Variants in GALNT13 observed in about 807,000 individuals in gnomAD.
GALNT13 encodes polypeptide N-acetylgalactosaminyltransferase 13.
Under a neutral mutation model 64.2 loss-of-function variants are expected in GALNT13, and 28 were observed. That is an observed-to-expected ratio of 0.44 (90% CI 0.32 to 0.60). GALNT13 has a LOEUF of 0.60. Ranked by LOEUF, GALNT13 falls within the 20% of genes least tolerant of loss-of-function variation. The pLI is 0.05. For missense variants in GALNT13, 577 were observed against 669.8 expected, an observed-to-expected ratio of 0.86 and a Z score of 1.53; for synonymous variants, 214 against 224.6, an observed-to-expected ratio of 0.95 and a Z score of 0.42.
At chr2:154,305,671 C>G (rs1228216611) in intron 9 of GALNT13, among the ~76,000 whole-genome samples, 3 of 152,146 alleles carry the variant, frequency 2.0e-5, no homozygotes, top group Admixed American at 1.3e-4. Context: ...AACTTACTTA[C>G]TTTCAATATA....
intron 12 of GALNT13, among the ~76,000 whole-genome samples, chr2:154,447,287 A>C (rs1184907806): frequency 2.6e-5 from 4 of 151,958 alleles, no homozygotes; most frequent in Non-Finnish European, 5.9e-5. Context: ...ACATTATTAA[A>C]GACTAAGATG....
intron 9 of GALNT13, among the ~76,000 whole-genome samples, chr2:154,336,049 C>A (rs192188704): frequency 6.6e-6 from 1 of 152,026 alleles, no homozygotes; most frequent in East Asian, 1.9e-4. Flanking sequence ...GGATTAGTGA[C>A]AAATACAGAA....
chr2:153,582,040 G>C, the GALNT13 span, among the ~76,000 whole-genome samples: 312 of 152,248 alleles, frequency 2.0e-3, 2 homozygotes, highest in African/African-American at 6.9e-3. Flanking sequence ...AGGAATTCCT[G>C]TAAGGAGAGG....
the GALNT13 span, among the ~76,000 whole-genome samples, chr2:153,601,661 G>A: frequency 1.1e-4 from 17 of 151,538 alleles, no homozygotes; most frequent in East Asian, 1.9e-4. Flanking sequence ...CAATAGGACC[G>A]CACATGTACT....
chr2:153,121,895 C>T, the GALNT13 span, among the ~76,000 whole-genome samples: 1 of 152,148 alleles, frequency 6.6e-6, no homozygotes, highest in Non-Finnish European at 1.5e-5. Flanking sequence ...ATCTTAACCA[C>T]TATCTTATTT....
At chr2:153,630,800 TA>T in the GALNT13 span, among the ~76,000 whole-genome samples, 37 of 13,034 alleles carry the variant, frequency 2.8e-3, no homozygotes, top group African/African-American at 6.9e-3. Context: ...TATATATATA[TA>T]TATATATTTT....
the GALNT13 span, among the ~76,000 whole-genome samples, chr2:153,745,045 C>T: frequency 6.6e-6 from 1 of 151,988 alleles, no homozygotes; most frequent in Admixed American, 6.6e-5. Flanking sequence ...AGGCTATCAG[C>T]ACCAAGCAAA....
At chr2:154,219,551 G>A (rs1365859843) in intron 4 of GALNT13, among the ~76,000 whole-genome samples, 1 of 151,904 alleles carries the variant, frequency 6.6e-6, no homozygotes, top group African/African-American at 2.4e-5. Flanking sequence ...GTGCATCACT[G>A]GCATGCCTCA....
At chr2:153,988,079 C>T (rs1373445261) in intron 3 of GALNT13, among the ~76,000 whole-genome samples, 1 of 151,204 alleles carries the variant, frequency 6.6e-6, no homozygotes, top group Non-Finnish European at 1.5e-5. Flanking sequence ...TATATACACA[C>T]ACACACACAC....
the GALNT13 span, among the ~76,000 whole-genome samples, chr2:153,353,247 C>T: frequency 1.3e-5 from 2 of 151,992 alleles, no homozygotes; most frequent in Non-Finnish European, 2.9e-5. Context: ...TTTCAAATTT[C>T]ACTTGTTCAT....
chr2:153,075,438 A>G, the GALNT13 span, among the ~76,000 whole-genome samples: 7 of 152,286 alleles, frequency 4.6e-5, no homozygotes, highest in Admixed American at 3.3e-4. Flanking sequence ...TTTTCTTACA[A>G]TTCAGATAAC....
chr2:153,251,951 A>G, the GALNT13 span, among the ~76,000 whole-genome samples: 1 of 151,868 alleles, frequency 6.6e-6, no homozygotes, highest in East Asian at 1.9e-4. Flanking sequence ...GTGTCTTTAT[A>G]GCAGCATGAT....
At chr2:153,596,415 C>T in the GALNT13 span, among the ~76,000 whole-genome samples, 1 of 152,094 alleles carries the variant, frequency 6.6e-6, no homozygotes, top group African/African-American at 2.4e-5. Flanking sequence ...CTGCAGCTTC[C>T]TTTGAAAACA....
the GALNT13 span, among the ~76,000 whole-genome samples, chr2:153,330,989 A>T: frequency 6.6e-6 from 1 of 152,120 alleles, no homozygotes; most frequent in Non-Finnish European, 1.5e-5. Flanking sequence ...ATCATGCAGG[A>T]ATATTCAATT....
At chr2:153,997,294 A>G (rs1695584985) in intron 3 of GALNT13, among the ~76,000 whole-genome samples, 1 of 152,132 alleles carries the variant, frequency 6.6e-6, no homozygotes, top group Non-Finnish European at 1.5e-5. Flanking sequence ...AAGTCTTCCA[A>G]TCTATAAATA....
At chr2:154,406,755 T>A (rs1203382232) in intron 10 of GALNT13, among the ~76,000 whole-genome samples, 1 of 152,156 alleles carries the variant, frequency 6.6e-6, no homozygotes, top group African/African-American at 2.4e-5. Context: ...CTCTCTTCCC[T>A]TCTAAAACAT....
the GALNT13 span, among the ~76,000 whole-genome samples, chr2:153,439,648 G>A: frequency 1.3e-5 from 2 of 152,174 alleles, no homozygotes; most frequent in Admixed American, 6.5e-5. Context: ...CTGGTGTGCC[G>A]TTTGTTAAGC....
intron 3 of GALNT13, among the ~76,000 whole-genome samples, chr2:154,076,716 A>G (rs1701007493): frequency 1.3e-5 from 2 of 151,834 alleles, no homozygotes; most frequent in Non-Finnish European, 3.0e-5. Flanking sequence ...GGATTGTCCC[A>G]ATTAAACCAA....
At chr2:153,388,461 G>A in the GALNT13 span, among the ~76,000 whole-genome samples, 5 of 152,094 alleles carry the variant, frequency 3.3e-5, no homozygotes, top group Admixed American at 6.6e-5. Context: ...GTGATGAGGA[G>A]TGGCTAAAGC....
Sources: gnomAD v4.1 joint callset for allele counts (sites outside exome capture counted in the v4.1 genomes callset) on GRCh38, gnomAD v4.1.1 for gene constraint, MANE v1.5 for transcripts, NCBI Gene and HGNC (gene_info 2026-07-23, HGNC 2026-07-21) for gene names.